CDK12: variants seen among roughly 807,000 people sequenced by gnomAD.
CDK12 encodes the protein cyclin-dependent kinase 12.
In CDK12, 17 loss-of-function variants were observed where a neutral mutation model predicts 133.8. The observed-to-expected ratio is 0.13, with a 90% CI of 0.09 to 0.19. CDK12 has a LOEUF of 0.19. Ranked by LOEUF, CDK12 falls within the 10% of genes least tolerant of loss-of-function variation. The pLI is 1.00. For missense variants in CDK12, 1,508 were observed against 1,818.7 expected (o/e 0.83, Z 3.11); for synonymous variants, 694 against 683.6 (o/e 1.02, Z -0.24).
intron 2 of CDK12, among the ~76,000 whole-genome samples, chr17:39,480,105 G>T (rs1372203791): frequency 6.6e-6 from 1 of 151,844 alleles, no homozygotes; most frequent in Non-Finnish European, 1.5e-5. Flanking sequence ...TATATTTTTA[G>T]TAGAGACGGG....
chr17:39,479,313 A>G (rs1242361855), intron 2 of CDK12, among the ~76,000 whole-genome samples: 3 of 151,430 alleles, frequency 2.0e-5, no homozygotes, highest in African/African-American at 7.3e-5. Context: ...CGTCTGAAAA[A>G]AAAAAAAAAA....
intron 5 of CDK12, among the ~76,000 whole-genome samples, chr17:39,499,551 C>G (rs928817619): frequency 6.7e-6 from 1 of 149,382 alleles, no homozygotes; most frequent in African/African-American, 2.5e-5. Flanking sequence ...CTCTTGTTGC[C>G]CAGGCTGAAG....
At chr17:39,492,014 A>T (rs12453447) in intron 3 of CDK12, among the ~76,000 whole-genome samples, 85,542 of 136,780 alleles carry the variant, frequency 0.63, 28,870 homozygotes, top group South Asian at 0.88. Context: ...GTAGAGTACT[A>T]AAAAAAAAAA....
intron 2 of CDK12, among the ~76,000 whole-genome samples, chr17:39,553,403 GAGA>G (rs1452967961): frequency 6.6e-6 from 1 of 151,946 alleles, no homozygotes; most frequent in East Asian, 1.9e-4. Context: ...AAAGGCCAAG[GAGA>G]AGAAGGTAAC....
At chr17:39,469,911 A>G (rs1003688851) in intron 1 of CDK12, among the ~76,000 whole-genome samples, 1 of 152,142 alleles carries the variant, frequency 6.6e-6, no homozygotes, top group Non-Finnish European at 1.5e-5. Context: ...TGCTGGGATT[A>G]CAGGCGTGAG....
chr17:39,463,048 C>T lies in CDK12; in HGVS notation c.977C>T (p.Pro326Leu). The stretch of plus-strand genomic sequence containing the variant: ...TCTTACAGCGGGCGATCGCCCAGTC[C>T]CTATGGTCGAAGGCGGTCCAGCAGC... ...SGSYSGRSPS[P>L]YGRRRSSSPF... Residue 326 changes from proline to leucine, a missense_variant, in exon 1 of 14, where the codon CCC becomes CTC. Coordinates refer to ENST00000447079, the MANE Select transcript of CDK12 (RefSeq NM_016507.4). The T allele has an allele frequency of 6.2e-7, 1 of 1,614,186 alleles. No individual in the cohort carries two copies. The highest frequency in any genetic ancestry group is 8.5e-7 in the Non-Finnish European group (1 of 1,180,030).
rs1451288085 is a variant in CDK12, at chr17:39,471,224, T to A, written c.1392T>A (p.Asn464Lys). The change falls in exon 2 of 14, where the codon AAT becomes AAA. Residue 464 changes from asparagine to lysine, a missense_variant. By Grantham distance (94) the Asn-to-Lys change is moderately conservative. Around this residue, in one of 9 missense-constraint regions of CDK12, gnomAD observed 347 missense variants for 330.8 expected, o/e 1.05. Coordinates refer to ENST00000447079, the MANE Select transcript of CDK12 (RefSeq NM_016507.4). ...EKSAPDTELV[N>K]VTHLNTEVKN... ...CTGCCCCAGATACTGAACTGGTGAA[T>A]GTAACACATCTAAACACAGAGGTAA... 2 of 1,601,422 alleles carry A rather than the reference T, an allele frequency of 1.2e-6. No individual in the cohort carries two copies. The highest frequency in any genetic ancestry group is 1.7e-6 in the Non-Finnish European group (2 of 1,176,016).
rs2049350044 is a variant in CDK12 at position 39,466,723 on chromosome 17, C to T, written c.1046+3606C>T. On this transcript the variant is annotated intron_variant, in intron 1 of 13. Coordinates refer to ENST00000447079, the MANE Select transcript of CDK12 (RefSeq NM_016507.4). ...AAATAAGTTTAGAAAAAATTGGAGA[C>T]ACAATATGGTAGCGTAGCATGCAAA... Among the ~76,000 whole-genome samples the T allele has an allele frequency of 3.7e-5, 5 of 135,848 alleles. No homozygotes were observed. In the Admixed American group the frequency reaches 4.2e-4, roughly 11 times the overall value. The allele number at this position is 135,848 out of a possible 152,430, so 89.1% of individuals were successfully genotyped here. A position where few individuals can be genotyped will look rare whatever the true frequency, so the allele number is the denominator to read the frequency against.
intron 3 of CDK12, among the ~76,000 whole-genome samples, chr17:39,560,986 C>A (rs1249739905): frequency 1.3e-5 from 2 of 152,130 alleles, no homozygotes; most frequent in Non-Finnish European, 2.9e-5. Context: ...TGCACTCCAG[C>A]CTGGGCGACA....
Position 39,554,776 on chromosome 17 carries a change from G to A in CDK12, n.357-1510G>A, listed in dbSNP as rs568309444. The stretch of plus-strand genomic sequence containing the variant: ...CACCTGTAGTCCCAGCTACTCAGGA[G>A]GCTGAGGCAGGAGAATCGCTTGAGC... On this transcript the variant is annotated intron_variant and non_coding_transcript_variant, in intron 2 of 3. Transcript: ENST00000558240. 2.0e-5 allele frequency among the ~76,000 whole-genome samples: 3 copies of A among 152,228 alleles called. No homozygotes were observed. In the East Asian group the frequency reaches 5.8e-4, roughly 29 times the overall value.
chr17:39,485,101 C>T (rs1024231623), intron 2 of CDK12, among the ~76,000 whole-genome samples: 1 of 145,984 alleles, frequency 6.9e-6, no homozygotes, highest in Non-Finnish European at 1.5e-5. Flanking sequence ...ACCCAGGAGG[C>T]GGAGCTTGCA....
At chr17:39,473,125 A>T (rs1273645392) in intron 2 of CDK12, among the ~76,000 whole-genome samples, 1 of 151,986 alleles carries the variant, frequency 6.6e-6, no homozygotes, top group Non-Finnish European at 1.5e-5. Flanking sequence ...AAATAGTCCC[A>T]GTAGCCCCCA....
chr17:39,506,837 G>A (rs959169569), intron 6 of CDK12, among the ~76,000 whole-genome samples: 20 of 152,124 alleles, frequency 1.3e-4, no homozygotes, highest in Non-Finnish European at 2.2e-4. Context: ...CTTTGAGACA[G>A]GACATAAACA....
Position 39,516,567 on chromosome 17 carries a change from G to A in CDK12, c.2846+759G>A, listed in dbSNP as rs143281960. ...AGGGTCTCATTATGTTTGTTGCCTG[G>A]GCTGGAACTCCTGGGCTCAAACAGT... On this transcript the variant is annotated intron_variant, in intron 9 of 13. Coordinates refer to ENST00000447079, the MANE Select transcript of CDK12 (RefSeq NM_016507.4). 2.2e-3 allele frequency among the ~76,000 whole-genome samples: 329 copies of A among 151,710 alleles called. 2 individuals are homozygous for A. The highest frequency in any genetic ancestry group is 7.6e-3 in the African/African-American group (313 of 41,322).
intron 8 of CDK12, among the ~76,000 whole-genome samples, chr17:39,512,403 T>A (rs2053556888): frequency 6.6e-6 from 1 of 151,974 alleles, no homozygotes; most frequent in Non-Finnish European, 1.5e-5. Flanking sequence ...TACATCAGAG[T>A]TGGAAGGTGG....
chr17:39,481,631 GCGCTCT>G lies in CDK12; in HGVS notation c.1932-8924_1932-8919del, dbSNP rs2050667739. On this transcript the variant is annotated intron_variant, in intron 2 of 13. Coordinates refer to ENST00000447079, the MANE Select transcript of CDK12 (RefSeq NM_016507.4). Reference sequence around the variant, plus strand: ...AGCACTTATGTGCTTGCTCGCTCGCGCGCTCTCTCTCTCTCTCTCTCTCTCTCTCTC... The same window carrying G: ...AGCACTTATGTGCTTGCTCGCTCGCGCTCTCTCTCTCTCTCTCTCTCTCTC... Among the ~76,000 whole-genome samples the G allele has an allele frequency of 1.2e-4, 4 of 34,276 alleles. 2 individuals carry two copies. Among genetic ancestry groups the G allele is most frequent in the Non-Finnish European group, 2.8e-4 (4 of 14,100 alleles). The allele number at this position is 34,276 out of a possible 152,430, so 22.5% of individuals were successfully genotyped here. A position where few individuals can be genotyped will look rare whatever the true frequency, so the allele number is the denominator to read the frequency against.
intron 2 of CDK12, among the ~76,000 whole-genome samples, chr17:39,487,085 T>A (rs1464987431): frequency 6.6e-6 from 1 of 152,194 alleles, no homozygotes; most frequent in Non-Finnish European, 1.5e-5. Context: ...TGGAAAAATC[T>A]GAGTGCAGAT....
chr17:39,500,006 A>G (rs947506018), intron 5 of CDK12, among the ~76,000 whole-genome samples: 1 of 152,192 alleles, frequency 6.6e-6, no homozygotes, highest in Non-Finnish European at 1.5e-5. Flanking sequence ...TAAGCTCTGT[A>G]ATTTGCTAAC....
chr17:39,522,331 C>T (rs2054227175), intron 11 of CDK12, among the ~76,000 whole-genome samples: 1 of 152,170 alleles, frequency 6.6e-6, no homozygotes, highest in Non-Finnish European at 1.5e-5. Flanking sequence ...AGGTAATCTG[C>T]CTGCCTCGGC....
Sources: gnomAD v4.1 joint callset for allele counts (sites outside exome capture counted in the v4.1 genomes callset) on GRCh38, gnomAD v4.1.1 for gene constraint, gnomAD v4.1.1 regional missense constraint, MANE v1.5 for transcripts, NCBI Gene and HGNC (gene_info 2026-07-23, HGNC 2026-07-21) for gene names.